PIGW: variants seen among roughly 807,000 people sequenced by gnomAD.
The protein encoded by PIGW is phosphatidylinositol glycan anchor biosynthesis class W.
Under a neutral mutation model 34.0 loss-of-function variants are expected in PIGW, and 23 were observed. That is an observed-to-expected ratio of 0.68 (90% CI 0.49 to 0.96). The LOEUF (loss-of-function observed/expected upper bound fraction) is 0.96, where lower values mean the gene tolerates loss of function less well. Ranked by LOEUF, PIGW falls within the 40% of genes least tolerant of loss-of-function variation. The pLI is 0.00. For missense variants in PIGW, 574 were observed against 586.3 expected (o/e 0.98, Z 0.22); for synonymous variants, 225 against 225.2 (o/e 1.00, Z 0.01).
At chr17:36,535,641 G>C (rs2074094415) in intron 1 of PIGW, 49 bp downstream of exon 1, 1 of 152,194 alleles carries the variant, frequency 6.6e-6, no homozygotes, top group Admixed American at 6.5e-5. Context: ...CGTCTGTTAG[G>C]AAAAAGACTT....
chr17:36,537,438 C>G lies in PIGW; in HGVS notation c.337C>G (p.Leu113Val), dbSNP rs1172504742. 2 of 1,614,134 alleles carry G rather than the reference C, an allele frequency of 1.2e-6. No individual in the cohort carries two copies. The highest frequency in any genetic ancestry group is 1.7e-6 in the Non-Finnish European group (2 of 1,180,006). Residue 113 changes from leucine (L) to valine (V), a missense_variant, in exon 2 of 2, where the codon CTT becomes GTT. Leu to Val is a conservative substitution (Grantham distance 32, BLOSUM62 1). Coordinates refer to ENST00000614443, the MANE Select transcript of PIGW (RefSeq NM_001346754.2). ...CYARLPFLKI[L>V]EKFLNISLES... ...TGCCAGACTGCCTTTCCTAAAAATC[C>G]TTGAAAAATTCTTGAACATCAGTCT...
chr17:36,538,052 G>T lies in PIGW; in HGVS notation c.951G>T (p.Met317Ile), dbSNP rs756600566. 7 of 1,614,006 alleles carry T rather than the reference G, an allele frequency of 4.3e-6. No homozygotes were observed. Among genetic ancestry groups the T allele is most frequent in the Non-Finnish European group, 5.9e-6 (7 of 1,180,040 alleles). The stretch of plus-strand genomic sequence containing the variant: ...CCCTGGGGTATGTGGCAATACACAT[G>T]GCTGGTGTGCAAACAGGGTTATATA... ...ISTLGYVAIH[M>I]AGVQTGLYMH... Residue 317 changes from methionine to isoleucine, a missense_variant, in exon 2 of 2, where the codon ATG (methionine) becomes ATT (isoleucine). Met to Ile is a conservative substitution (Grantham distance 10). Transcript: ENST00000614443.
rs200125663 is a variant in PIGW at position 36,538,311 on chromosome 17, G to A, written c.1210G>A (p.Gly404Arg). The A allele has an allele frequency of 4.2e-5, 67 of 1,613,500 alleles. No individual in the cohort carries two copies. In the Admixed American group the frequency reaches 1.1e-3, roughly 26 times the overall value. The change falls in exon 2 of 2, where the codon GGA (glycine) becomes AGA (arginine). Residue 404 changes from glycine to arginine, a missense_variant. Coordinates refer to ENST00000614443, the MANE Select transcript of PIGW (RefSeq NM_001346754.2). ...GAGTTTTGCCAAATTTCTAATTAAA[G>A]GAGCTCTAGTACCATGTTCTTGGAA... ...ILSFAKFLIK[G>R]ALVPCSWKLI... is the part of the protein sequence containing the mutation.
At chr17:36,536,547 ATG>A (rs2074131503) in intron 1 of PIGW, among the ~76,000 whole-genome samples, 1 of 102,174 alleles carries the variant, frequency 9.8e-6, no homozygotes, top group Admixed American at 1.3e-4. Context: ...TTTTTTTGAG[ATG>A]GAGTCTCACT....
rs1404931890 is a variant in PIGW, at chr17:36,538,099, T to C, written c.998T>C (p.Ile333Thr). The C allele has an allele frequency of 2.5e-6, 4 of 1,614,096 alleles. No individual in the cohort carries two copies. In the Admixed American group the frequency reaches 5.0e-5, roughly 20 times the overall value. ...GLYMHKNRSH[I>T]KDLIKVACFL... is the part of the protein sequence containing the mutation. ...TATATGCATAAGAACCGATCACATATCAAAGACTTGATAAAAGTAGCCTGT... is the reference window on the plus strand; with the variant it reads ...TATATGCATAAGAACCGATCACATACCAAAGACTTGATAAAAGTAGCCTGT... Residue 333 changes from isoleucine (I) to threonine (T), a missense_variant, in exon 2 of 2, where the codon ATC becomes ACC. Coordinates refer to ENST00000614443, the MANE Select transcript of PIGW (RefSeq NM_001346754.2).
intron 1 of PIGW, 61 bp downstream of exon 1, chr17:36,535,653 T>C (rs1026772991): frequency 1.3e-5 from 2 of 152,216 alleles, no homozygotes; most frequent in Admixed American, 6.5e-5. Flanking sequence ...AAAAGACTTT[T>C]TATTTTTATG....
chr17:36,536,099 A>G (rs2074113418), intron 1 of PIGW, among the ~76,000 whole-genome samples: 1 of 152,156 alleles, frequency 6.6e-6, no homozygotes, highest in South Asian at 2.1e-4. Flanking sequence ...TCAGACAATG[A>G]TGTGTGGCAT....
rs1223227109 is a variant in PIGW, at chr17:36,537,157, T to A, written c.56T>A (p.Val19Glu). The A allele has an allele frequency of 6.2e-7, 1 of 1,613,604 alleles. No individual in the cohort carries two copies. Among genetic ancestry groups the A allele is most frequent in the Admixed American group, 1.7e-5 (1 of 59,878 alleles). The change falls in exon 2 of 2, where the codon GTG (valine) becomes GAG (glutamate). Residue 19 changes from valine (V) to glutamate (E), a missense_variant. By Grantham distance (121) the Val-to-Glu change is moderately radical. Transcript: ENST00000614443. ...GTCAGTAACCTCAATGGAACCACCG[T>A]GCTGGAAATCACCCAGGGATTGTGC... ...AFVSNLNGTT[V>E]LEITQGLCFP...
At position 36,535,408 on chromosome 17, in the gene PIGW, C is replaced by T. The variant is rs79843616; in HGVS notation, c.-193C>T. The T allele has an allele frequency of 6.6e-6, 1 of 152,282 alleles. No homozygotes were observed. Among genetic ancestry groups the T allele is most frequent in the Non-Finnish European group, 1.5e-5 (1 of 68,072 alleles). 9.4% of individuals were successfully genotyped at this position (152,282 alleles called of 1,614,324 possible). ...GTGGGTAGCCCACGGGACACTGGCA[C>T]GAGCGCCATGATGGGCGGAGACGCG... On this transcript the variant is annotated 5_prime_UTR_variant, in exon 1 of 2. It adds an upstream start codon to the 5' untranslated region. Transcript: ENST00000614443.
At position 36,538,174 on chromosome 17, in the gene PIGW, A is replaced by G; in HGVS notation, c.1073A>G (p.Gln358Arg). The change falls in exon 2 of 2, where the codon CAA (glutamine) becomes CGA (arginine). Residue 358 changes from glutamine to arginine, a missense_variant. By Grantham distance (43) the Gln-to-Arg change is conservative. Coordinates refer to ENST00000614443, the MANE Select transcript of PIGW (RefSeq NM_001346754.2). Reference protein sequence around the residue: ...ISLFISLYVVQVNVEAVSRRM... With the variant: ...ISLFISLYVVRVNVEAVSRRM... ...CTCTTCATATCTCTTTACGTAGTTC[A>G]AGTAAATGTAGAAGCAGTATCTCGA... The G allele has an allele frequency of 1.2e-6, 2 of 1,613,882 alleles. No homozygotes were observed. Among genetic ancestry groups the G allele is most frequent in the Non-Finnish European group, 1.7e-6 (2 of 1,180,020 alleles).
chr17:36,535,913 A>G (rs1187832780), intron 1 of PIGW, among the ~76,000 whole-genome samples: 1 of 150,346 alleles, frequency 6.7e-6, no homozygotes, highest in African/African-American at 2.5e-5. Context: ...TCTCTCGGCT[A>G]GGACTTTTAT....
Position 36,538,052 on chromosome 17 carries a change from G to A in PIGW, c.951G>A (p.Met317Ile), listed in dbSNP as rs756600566. 1 of 1,614,124 alleles carries A rather than the reference G, an allele frequency of 6.2e-7. No homozygotes were observed. The highest frequency in any genetic ancestry group is 8.5e-7 in the Non-Finnish European group (1 of 1,180,032). The change falls in exon 2 of 2, where the codon ATG becomes ATA. Residue 317 changes from methionine to isoleucine, a missense_variant. Physicochemically the swap from Met to Ile is conservative, Grantham distance 10 (BLOSUM62 1). Coordinates refer to ENST00000614443, the MANE Select transcript of PIGW (RefSeq NM_001346754.2). ...CCCTGGGGTATGTGGCAATACACATGGCTGGTGTGCAAACAGGGTTATATA... is the reference window on the plus strand; with the variant it reads ...CCCTGGGGTATGTGGCAATACACATAGCTGGTGTGCAAACAGGGTTATATA... ...ISTLGYVAIH[M>I]AGVQTGLYMH...
Position 36,537,378 on chromosome 17 carries a change from C to CT in PIGW, c.278dup (p.Leu94ValfsTer21). ...CGGTGTAATTATCTTTGGGGCAGGG[C>CT]TGTTGTATCAAATATACCGAAGGAG... On this transcript the variant is annotated frameshift_variant, in exon 2 of 2. Coordinates refer to ENST00000614443, the MANE Select transcript of PIGW (RefSeq NM_001346754.2). LOFTEE classifies it high-confidence loss of function. 1 of 1,613,902 alleles carries CT rather than the reference C, an allele frequency of 6.2e-7. No homozygotes were observed.
In PIGW at chr17:36,538,404, G is replaced by C; in HGVS notation, c.1303G>C (p.Glu435Gln). The stretch of plus-strand genomic sequence containing the variant: ...TCTAGTCCCTGAAGCCGAAAGAATG[G>C]AACCCAGTCTTTGTTTAATCACAGC... ...ESLVPEAERM[E>Q]PSLCLITALN... is the part of the protein sequence containing the mutation. Residue 435 changes from glutamate (E) to glutamine (Q), a missense_variant, in exon 2 of 2, where the codon GAA becomes CAA. By Grantham distance (29) the Glu-to-Gln change is conservative. Coordinates refer to ENST00000614443, the MANE Select transcript of PIGW (RefSeq NM_001346754.2). 6.2e-7 allele frequency: 1 copy of C among 1,614,124 alleles called. No homozygotes were observed. Among genetic ancestry groups the C allele is most frequent in the Non-Finnish European group, 8.5e-7 (1 of 1,180,028 alleles).
Position 36,538,286 on chromosome 17 carries a change from G to A in PIGW, c.1185G>A (p.Leu395=), listed in dbSNP as rs757548701. ...LSSLLLGDII[L]SFAKFLIKGA... is the part of the protein sequence containing the mutation. ...GTTTATTACTGGGTGATATAATTTT[G>A]AGTTTTGCCAAATTTCTAATTAAAG... Residue 395 remains leucine, a synonymous_variant, in exon 2 of 2, where the codon TTG becomes TTA. Transcript: ENST00000614443. 4.3e-6 allele frequency: 7 copies of A among 1,613,104 alleles called. No individual in the cohort carries two copies. The African/African-American group carries it at 8.0e-5, about 18-fold the overall frequency.
rs1302648308 is a variant in PIGW at position 36,535,497 on chromosome 17, G to A, written c.-104G>A. 4 of 152,272 alleles carry A rather than the reference G, an allele frequency of 2.6e-5. No individual in the cohort carries two copies. Among genetic ancestry groups the A allele is most frequent in the African/African-American group, 4.8e-5 (2 of 41,472 alleles). The allele number at this position is 152,272 out of a possible 1,614,324, so 9.4% of individuals were successfully genotyped here. ...GGCCGGAAGTGCCGCGCGGGAGGCG[G>A]AAGCGGCTGGTTCCCGCGTGGTTTG... On this transcript the variant is annotated 5_prime_UTR_variant, in exon 1 of 2. Coordinates refer to ENST00000614443, the MANE Select transcript of PIGW (RefSeq NM_001346754.2).
In PIGW at chr17:36,535,534, G is replaced by C. The variant is rs1186030909; in HGVS notation, c.-67G>C. 1 of 152,266 alleles carries C rather than the reference G, an allele frequency of 6.6e-6. No homozygotes were observed. Among genetic ancestry groups the C allele is most frequent in the Non-Finnish European group, 1.5e-5 (1 of 68,054 alleles). 9.4% of individuals were successfully genotyped at this position (152,266 alleles called of 1,614,324 possible). A position where few individuals can be genotyped will look rare whatever the true frequency, so the allele number is the denominator to read the frequency against. On this transcript the variant is annotated 5_prime_UTR_variant, in exon 1 of 2. Coordinates refer to ENST00000614443, the MANE Select transcript of PIGW (RefSeq NM_001346754.2). ...TCCCGCGTGGTTTGGCGGGTGCAGC[G>C]GCAGTCCGGCTGCCCTTCCCACGTA...
Position 36,535,253 on chromosome 17 carries a change from G to C in PIGW, c.-348G>C, listed in dbSNP as rs868215348. The C allele has an allele frequency of 6.9e-6, 1 of 145,316 alleles. No homozygotes were observed. Among genetic ancestry groups the C allele is most frequent in the Non-Finnish European group, 1.5e-5 (1 of 67,490 alleles). 9.0% of individuals were successfully genotyped at this position (145,316 alleles called of 1,614,324 possible). ...CGAGGCCGGCGGACACCATTACCCT[G>C]ATAGGGCCTCGCCGTGAGGTCTGAG... On this transcript the variant is annotated 5_prime_UTR_variant, in exon 1 of 2. Transcript: ENST00000614443.
At position 36,538,629 on chromosome 17, in the gene PIGW, G is replaced by A. The variant is rs751510787; in HGVS notation, c.*13G>A. On this transcript the variant is annotated 3_prime_UTR_variant, in exon 2 of 2. Coordinates refer to ENST00000614443, the MANE Select transcript of PIGW (RefSeq NM_001346754.2). ...ACAATTTTGGTGATCAGCAGGAGTA[G>A]GATATATAAGTATTTGGGCAATATT... The A allele has an allele frequency of 3.3e-6, 5 of 1,531,330 alleles. No homozygotes were observed. The highest frequency in any genetic ancestry group is 2.0e-5 in the Admixed American group (1 of 49,890). The allele number at this position is 1,531,330 out of a possible 1,614,324, so 94.9% of individuals were successfully genotyped here.
Sources: gnomAD v4.1 joint callset for allele counts (sites outside exome capture counted in the v4.1 genomes callset) on GRCh38, gnomAD v4.1.1 for gene constraint, MANE v1.5 for transcripts, NCBI Gene and HGNC (gene_info 2026-07-23, HGNC 2026-07-21) for gene names.